Variants in ROBO2 observed in about 807,000 individuals in gnomAD.
The protein encoded by ROBO2 is roundabout homolog 2.
Under a neutral mutation model 160.8 loss-of-function variants are expected in ROBO2, and 53 were observed. The ratio of observed to expected loss-of-function variants is 0.33; its 90% CI spans 0.26 to 0.41. The LOEUF (loss-of-function observed/expected upper bound fraction) is 0.41, where lower values mean the gene tolerates loss of function less well. Ranked by LOEUF, ROBO2 falls within the 10% of genes least tolerant of loss-of-function variation. The probability of loss-of-function intolerance (pLI) is 1.00; values close to 1 mark genes in which losing one functional copy is unlikely to be tolerated. For synonymous variants in ROBO2, 664 were observed against 611.7 expected (o/e 1.09, Z -1.26); for missense variants, 1,577 against 1,722.4 (o/e 0.92, Z 1.49).
chr3:77,317,448 A>G (rs979307680), intron 2 of ROBO2: 1 of 1,517,396 alleles, frequency 6.6e-7, no homozygotes, highest in Non-Finnish European at 9.0e-7. Flanking sequence ...ACTGCCCGTC[A>G]CTTTGGTGGT....
chr3:76,649,070 A>G (rs773410393), intron 2 of ROBO2, among the ~76,000 whole-genome samples: 2 of 152,118 alleles, frequency 1.3e-5, no homozygotes, highest in African/African-American at 2.4e-5. Context: ...CAAATCCAGT[A>G]TAGTAGGAAG....
chr3:76,126,704 T>G (rs2071003415), intron 2 of ROBO2, among the ~76,000 whole-genome samples: 1 of 152,130 alleles, frequency 6.6e-6, no homozygotes, highest in South Asian at 2.1e-4. Flanking sequence ...AGAAACTACA[T>G]TCTCCTTACT....
intron 2 of ROBO2, 31 bp downstream of exon 2, chr3:77,098,371 A>G (rs1414440537): frequency 6.9e-6 from 11 of 1,601,582 alleles, no homozygotes; most frequent in African/African-American, 1.3e-5. Context: ...TCATGTGCAC[A>G]TTTACTTTTA....
intron 2 of ROBO2, among the ~76,000 whole-genome samples, chr3:76,504,519 CTTTTTTTTTTTTTT>C (rs57591523): frequency 1.4e-5 from 1 of 73,548 alleles, no homozygotes; most frequent in East Asian, 4.7e-4. Context: ...AGAAAATACT[CTTTTTTTTTTTTTT>C]TTTTTTTTTT....
At chr3:76,366,390 A>AT (rs746199141) in intron 2 of ROBO2, among the ~76,000 whole-genome samples, 140 of 151,936 alleles carry the variant, frequency 9.2e-4, no homozygotes, top group Non-Finnish European at 1.7e-3. Context: ...AATACTTCAG[A>AT]TTTTTTTTAT....
intron 2 of ROBO2, among the ~76,000 whole-genome samples, chr3:76,255,593 A>G (rs1706304426): frequency 6.6e-6 from 1 of 151,342 alleles, no homozygotes; most frequent in Admixed American, 6.6e-5. Context: ...CTATTTTACT[A>G]TGCAAAAAAA....
At chr3:75,964,899 C>T (rs1949049073) in intron 2 of ROBO2, 3 of 151,022 alleles carry the variant, frequency 2.0e-5, no homozygotes, top group African/African-American at 7.3e-5. Context: ...CTAAGTATTC[C>T]CATTATATGT....
intron 5 of ROBO2, among the ~76,000 whole-genome samples, chr3:77,503,579 T>G (rs896504380): frequency 3.3e-5 from 5 of 150,924 alleles, no homozygotes; most frequent in Non-Finnish European, 7.4e-5. Flanking sequence ...AATAAGGCTA[T>G]TTGGAGGAAA....
intron 2 of ROBO2, among the ~76,000 whole-genome samples, chr3:77,213,648 C>G (rs1456545117): frequency 6.6e-6 from 1 of 152,138 alleles, no homozygotes; most frequent in African/African-American, 2.4e-5. Context: ...TCTTGCTTCT[C>G]TAGTTCTTTT....
chr3:76,614,388 T>C (rs9813048), intron 2 of ROBO2, among the ~76,000 whole-genome samples: 145,524 of 152,166 alleles, frequency 0.96, 69,856 homozygotes, highest in East Asian at 1. Flanking sequence ...AGATAAGAAA[T>C]ATAACGAGAG....
chr3:77,599,496 G>T (rs529077358), intron 19 of ROBO2, among the ~76,000 whole-genome samples: 14 of 128,032 alleles, frequency 1.1e-4, no homozygotes, highest in South Asian at 5.5e-4. Flanking sequence ...GGGGCCTGTT[G>T]TGGGGTGGGG....
chr3:77,385,677 A>G (rs1421431093), intron 2 of ROBO2, among the ~76,000 whole-genome samples: 1 of 152,170 alleles, frequency 6.6e-6, no homozygotes, highest in Non-Finnish European at 1.5e-5. Flanking sequence ...TCATTCTGTG[A>G]GGTCTTTGGG....
At chr3:77,231,363 CAAAAAAAAAAAAA>C (rs60535204) in intron 2 of ROBO2, among the ~76,000 whole-genome samples, 3 of 59,668 alleles carry the variant, frequency 5.0e-5, no homozygotes, top group South Asian at 1.8e-3. Context: ...AGACTCCATC[CAAAAAAAAAAAAA>C]AAAAAAAAAG....
At chr3:77,080,468 A>G (rs974031321) in intron 1 of ROBO2, among the ~76,000 whole-genome samples, 11 of 152,224 alleles carry the variant, frequency 7.2e-5, no homozygotes, top group African/African-American at 2.7e-4. Context: ...AGATTATGGG[A>G]GAAGCAGATG....
At chr3:76,708,647 C>A (rs553154979) in intron 2 of ROBO2, among the ~76,000 whole-genome samples, 24 of 152,256 alleles carry the variant, frequency 1.6e-4, no homozygotes, top group South Asian at 8.3e-4. Flanking sequence ...AATTTATATG[C>A]CTTGCCCAGC....
At position 76,961,054 on chromosome 3, in the gene ROBO2, C is replaced by T. The variant is rs535670724; in HGVS notation, c.110-136960C>T. Among the ~76,000 whole-genome samples, 16 of 151,932 alleles carry T rather than the reference C, an allele frequency of 1.1e-4. No individual in the cohort carries two copies. In the South Asian group the frequency reaches 3.3e-3, roughly 32 times the overall value. ...AGCACAGTTAATAAATGTGGGAACA[C>T]TCAATAAGATTTCAATTTGGACCAA... On this transcript the variant is annotated intron_variant, in intron 2 of 26. Coordinates refer to the ROBO2 transcript ENST00000487694.
intron 2 of ROBO2, among the ~76,000 whole-genome samples, chr3:77,459,776 A>G (rs1560895711): frequency 6.6e-6 from 1 of 152,134 alleles, no homozygotes; most frequent in African/African-American, 2.4e-5. Context: ...TGTAGAAACA[A>G]GACCCAAGGA....
intron 2 of ROBO2, among the ~76,000 whole-genome samples, chr3:77,281,719 G>A (rs923393831): frequency 6.6e-6 from 1 of 152,140 alleles, no homozygotes; most frequent in Non-Finnish European, 1.5e-5. Context: ...TGGTTGTGTG[G>A]AAGATGATAT....
At chr3:76,891,485 C>T (rs2074341040) in intron 2 of ROBO2, among the ~76,000 whole-genome samples, 1 of 152,160 alleles carries the variant, frequency 6.6e-6, no homozygotes, top group Non-Finnish European at 1.5e-5. Flanking sequence ...TTTTCCATCT[C>T]TTCTTGAGTT....
Sources: gnomAD v4.1 joint callset for allele counts (sites outside exome capture counted in the v4.1 genomes callset) on GRCh38, gnomAD v4.1.1 for gene constraint, MANE v1.5 for transcripts, NCBI Gene and HGNC (gene_info 2026-07-23, HGNC 2026-07-21) for gene names.